CDK5RAP2: variants seen among roughly 807,000 people sequenced by gnomAD.
CDK5RAP2 encodes the protein CDK5 regulatory subunit associated protein 2.
In CDK5RAP2, 147 loss-of-function variants were observed where a neutral mutation model predicts 232.9. The observed-to-expected ratio is 0.63, with a 90% CI of 0.55 to 0.72. The LOEUF (loss-of-function observed/expected upper bound fraction) is 0.72. CDK5RAP2 is among the 30% of genes least tolerant of loss of function. The pLI is 0.00. For synonymous variants in CDK5RAP2, 833 were observed against 833.7 expected, an observed-to-expected ratio of 1.00 and a Z score of 0.01; for missense variants, 2,195 against 2,231.5, an observed-to-expected ratio of 0.98 and a Z score of 0.33.
chr9:120,423,081 T>C (rs2034666093), intron 25 of CDK5RAP2, among the ~76,000 whole-genome samples: 1 of 152,246 alleles, frequency 6.6e-6, no homozygotes, highest in African/African-American at 2.4e-5. Flanking sequence ...AAAAGATCAA[T>C]ATCCTGGCAC....
At chr9:120,424,174 T>C (rs1221459573) in intron 25 of CDK5RAP2, among the ~76,000 whole-genome samples, 1 of 152,222 alleles carries the variant, frequency 6.6e-6, no homozygotes, top group Non-Finnish European at 1.5e-5. Flanking sequence ...ATGTTTCAAC[T>C]CTCCCTTTGT....
chr9:120,571,890 G>C, intron 2 of CDK5RAP2, 84 bp downstream of exon 2: 1 of 1,093,132 alleles, frequency 9.1e-7, no homozygotes, highest in Non-Finnish European at 1.4e-6. Context: ...GGGCCCCAGA[G>C]ATATGAAAGC....
intron 14 of CDK5RAP2, among the ~76,000 whole-genome samples, chr9:120,479,561 T>C (rs1015126100): frequency 1.3e-5 from 2 of 152,146 alleles, no homozygotes; most frequent in African/African-American, 2.4e-5. Flanking sequence ...GAGAAGAACA[T>C]AGCATCGCTA....
intron 12 of CDK5RAP2, among the ~76,000 whole-genome samples, chr9:120,498,964 C>A (rs928213465): frequency 1.3e-5 from 2 of 152,120 alleles, no homozygotes; most frequent in African/African-American, 2.4e-5. Flanking sequence ...AAGTTTATCT[C>A]AAATTCCTGG....
intron 9 of CDK5RAP2, 81 bp downstream of exon 9, chr9:120,528,663 T>C: frequency 1.2e-6 from 1 of 867,430 alleles, no homozygotes; most frequent in South Asian, 1.4e-5. Flanking sequence ...TGACACAGAA[T>C]TATCTGCTGC....
At chr9:120,464,136 C>T (rs1457081921) in intron 18 of CDK5RAP2, among the ~76,000 whole-genome samples, 1 of 152,202 alleles carries the variant, frequency 6.6e-6, no homozygotes, top group Non-Finnish European at 1.5e-5. Context: ...GTGTTCGACA[C>T]TATGAAACAC....
At chr9:120,399,107 C>A (rs1051030533) in intron 35 of CDK5RAP2, among the ~76,000 whole-genome samples, 15 of 152,166 alleles carry the variant, frequency 9.9e-5, no homozygotes, top group Non-Finnish European at 1.9e-4. Context: ...ATCAATTACT[C>A]AAGAAACCTT....
At chr9:120,497,462 C>CAAAA (rs2039363075) in intron 12 of CDK5RAP2, among the ~76,000 whole-genome samples, 1 of 103,448 alleles carries the variant, frequency 9.7e-6, no homozygotes, top group Non-Finnish European at 2.0e-5. Context: ...AAAGAATCAT[C>CAAAA]AATGGATGCT....
chr9:120,515,178 A>C (rs562898658), intron 12 of CDK5RAP2, among the ~76,000 whole-genome samples: 64 of 152,278 alleles, frequency 4.2e-4, no homozygotes, highest in African/African-American at 1.5e-3. Flanking sequence ...ATTGTTTTAA[A>C]CTAAAAAAAA....
intron 34 of CDK5RAP2, among the ~76,000 whole-genome samples, chr9:120,401,640 A>G (rs1463535256): frequency 2.0e-5 from 3 of 150,924 alleles, no homozygotes; most frequent in African/African-American, 7.3e-5. Flanking sequence ...AAAAGAGAGA[A>G]AAAAGACACA....
At chr9:120,528,702 G>A (rs1266798121) in intron 9 of CDK5RAP2, 42 bp downstream of exon 9, 7 of 1,266,108 alleles carry the variant, frequency 5.5e-6, no homozygotes, top group Non-Finnish European at 8.1e-6. Context: ...GGCAAGAATA[G>A]GCTAAATCTT....
chr9:120,394,473 A>G, intron 36 of CDK5RAP2, 39 bp downstream of exon 36: 1 of 1,613,712 alleles, frequency 6.2e-7, no homozygotes, highest in African/African-American at 1.3e-5. Context: ...CGGAGGCAGG[A>G]AGTGGTCAGG....
In CDK5RAP2 at chr9:120,494,373, G is replaced by A. The variant is rs556121063; in HGVS notation, c.1312-2896C>T. ...TTTCTTGGGCAAATACTTGATTCCA[G>A]ACCTGGAGCAGGGAAAACATAATAC... On this transcript the variant is annotated intron_variant, in intron 12 of 37. Coordinates refer to ENST00000349780, the MANE Select transcript of CDK5RAP2 (RefSeq NM_018249.6). 7.7e-4 allele frequency among the ~76,000 whole-genome samples: 117 copies of A among 152,190 alleles called. 1 individual carries two copies. The highest frequency in any genetic ancestry group is 2.7e-3 in the African/African-American group (112 of 41,520).
intron 3 of CDK5RAP2, among the ~76,000 whole-genome samples, chr9:120,555,239 C>A (rs1003675619): frequency 6.6e-6 from 1 of 152,140 alleles, no homozygotes. Flanking sequence ...TCAAGTGATT[C>A]TCTTGCTTCA....
intron 28 of CDK5RAP2, among the ~76,000 whole-genome samples, chr9:120,411,858 A>T (rs2131323840): frequency 6.6e-6 from 1 of 152,294 alleles, no homozygotes; most frequent in East Asian, 1.9e-4. Flanking sequence ...TTATCCTTCC[A>T]AACCTGCTCT....
intron 32 of CDK5RAP2, among the ~76,000 whole-genome samples, chr9:120,404,433 C>T (rs1388078410): frequency 6.6e-6 from 1 of 152,246 alleles, no homozygotes; most frequent in East Asian, 1.9e-4. Flanking sequence ...CCCAACTTGG[C>T]TTCCCAAAGG....
At chr9:120,500,972 C>T (rs546119325) in intron 12 of CDK5RAP2, among the ~76,000 whole-genome samples, 1 of 152,190 alleles carries the variant, frequency 6.6e-6, no homozygotes, top group Admixed American at 6.5e-5. Context: ...AATTCCTACA[C>T]CTGGGAGCTC....
intron 7 of CDK5RAP2, among the ~76,000 whole-genome samples, chr9:120,531,387 A>G (rs533100264): frequency 1.3e-5 from 2 of 151,978 alleles, no homozygotes; most frequent in South Asian, 4.2e-4. Context: ...AGCTGAACAC[A>G]TCCCTCTCTG....
chr9:120,438,668 A>G (rs1031042164), intron 24 of CDK5RAP2, among the ~76,000 whole-genome samples: 1 of 152,202 alleles, frequency 6.6e-6, no homozygotes. Flanking sequence ...GGATTAGATA[A>G]GAAAAGTGCC....
Sources: allele counts gnomAD v4.1 joint callset (sites outside exome capture counted in the v4.1 genomes callset), GRCh38; gene constraint gnomAD v4.1.1; transcripts MANE v1.5; gene names NCBI Gene and HGNC (gene_info 2026-07-23, HGNC 2026-07-21).